CDK11B: variants seen among roughly 807,000 people sequenced by gnomAD.
The protein encoded by CDK11B is cyclin dependent kinase 11B.
CDK11B carries 37 observed loss-of-function variants against 84.0 expected under a neutral mutation model. That is an observed-to-expected ratio of 0.44 (90% CI 0.34 to 0.58). CDK11B has a LOEUF of 0.58. Ranked by LOEUF, CDK11B falls within the 20% of genes least tolerant of loss-of-function variation. The pLI is 0.02. For missense variants in CDK11B, 427 were observed against 834.0 expected (o/e 0.51, Z 6.01); for synonymous variants, 269 against 309.8 (o/e 0.87, Z 1.38).
chr1:1,658,664 C>A (rs1027367211), intron 1 of CDK11B, among the ~76,000 whole-genome samples: 2 of 148,718 alleles, frequency 1.3e-5, no homozygotes, highest in African/African-American at 5.0e-5. Context: ...GACCCGGGCA[C>A]TGGGCTATTT....
At chr1:1,649,698 G>C in intron 4 of CDK11B, 61 bp from the exon 5 acceptor site, 1 of 1,551,538 alleles carries the variant, frequency 6.4e-7, no homozygotes, top group Non-Finnish European at 8.8e-7. Flanking sequence ...CATGAAGCCG[G>C]GCACGGAGGC....
chr1:1,654,903 C>T lies in CDK11B; in HGVS notation c.227+466G>A, dbSNP rs1039514876. On this transcript the variant is annotated intron_variant, in intron 3 of 19. Transcript: ENST00000341832. ...TTGATCTTCTGACCTTGTGATCCGCCCACCTCGGCCTCCCAAAGTGCTGGG... is the reference window on the plus strand; with the variant it reads ...TTGATCTTCTGACCTTGTGATCCGCTCACCTCGGCCTCCCAAAGTGCTGGG... Among the ~76,000 whole-genome samples, 3 of 151,714 alleles carry T rather than the reference C, an allele frequency of 2.0e-5. No individual in the cohort carries two copies. The East Asian group carries it at 5.8e-4, about 29-fold the overall frequency.
At position 1,650,268 on chromosome 1, in the gene CDK11B, C is replaced by CAAAAAAAAAAAAAAA. The variant is rs1212256890; in HGVS notation, c.356-646_356-632dup. Among the ~76,000 whole-genome samples, 402 of 45,638 alleles carry CAAAAAAAAAAAAAAA rather than the reference C, an allele frequency of 8.8e-3. 32 individuals carry two copies. Among genetic ancestry groups the CAAAAAAAAAAAAAAA allele is most frequent in the African/African-American group, 0.034 (380 of 11,120 alleles). The allele number at this position is 45,638 out of a possible 152,430, so 29.9% of individuals were successfully genotyped here. On this transcript the variant is annotated intron_variant, in intron 4 of 19. Transcript: ENST00000341832. ...CTGGGTGACAAGCAAGACTCCGTCC[C>CAAAAAAAAAAAAAAA]AAAAAAAAAAAAAAAAGAAATTAAA...
At chr1:1,640,864 T>G (rs1475444866) in intron 10 of CDK11B, among the ~76,000 whole-genome samples, 184 bp downstream of exon 10, 1 of 150,690 alleles carries the variant, frequency 6.6e-6, no homozygotes, top group Non-Finnish European at 1.5e-5. Flanking sequence ...AGGACGCCCT[T>G]GGTCAGCACT....
At chr1:1,641,457 C>T (rs1489075764) in intron 9 of CDK11B, among the ~76,000 whole-genome samples, 1 of 146,132 alleles carries the variant, frequency 6.8e-6, no homozygotes, top group Non-Finnish European at 1.5e-5. Flanking sequence ...TGCAGTGAGC[C>T]GAGATCATGC....
intron 17 of CDK11B, 22 bp downstream of exon 17, chr1:1,636,660 C>G: frequency 1.2e-6 from 2 of 1,613,700 alleles, no homozygotes; most frequent in Non-Finnish European, 1.7e-6. Flanking sequence ...CCACAGCGCA[C>G]CTGCAGCAGG....
intron 5 of CDK11B, chr1:1,646,993 C>T (rs2100861552): frequency 1.9e-6 from 1 of 518,348 alleles, no homozygotes; most frequent in East Asian, 5.5e-5. Context: ...GTTCAAACTT[C>T]CTGTGCTCTT....
chr1:1,648,524 T>G (rs1203608135), intron 5 of CDK11B, among the ~76,000 whole-genome samples: 1 of 138,578 alleles, frequency 7.2e-6, no homozygotes, highest in Non-Finnish European at 1.5e-5. Context: ...TCGCTGCCCT[T>G]CCGCTTCAGA....
chr1:1,649,351 TCGGCCTCCCAAAGTGCTGG>T (rs2100906655), intron 5 of CDK11B, 129 bp downstream of exon 5: 1 of 594,620 alleles, frequency 1.7e-6, no homozygotes, highest in African/African-American at 1.9e-5. Context: ...TCCGCCCACC[TCGGCCTCCCAAAGTGCTGG>T]GATTACAGGC....
At position 1,636,718 on chromosome 1, in the gene CDK11B, C is replaced by T. The variant is rs760782961; in HGVS notation, c.1881G>A (p.Gly627=). The T allele has an allele frequency of 6.2e-7, 1 of 1,614,010 alleles. No homozygotes were observed. The highest frequency in any genetic ancestry group is 8.5e-7 in the Non-Finnish European group (1 of 1,179,872). Residue 627 remains glycine (G), a synonymous_variant, in exon 17 of 20, where the codon GGG becomes GGA. Coordinates refer to ENST00000341832, the MANE Select transcript of CDK11B (RefSeq NM_033486.3). ...ELLTQKPLFP[G]KSEIDQINKV... ...TGTTGATCTGATCGATTTCTGACTT[C>T]CCGGGGAACAGAGGCTTCTGAGTCA...
chr1:1,647,678 G>C (rs1570154135), intron 5 of CDK11B, among the ~76,000 whole-genome samples: 1 of 152,380 alleles, frequency 6.6e-6, no homozygotes, highest in East Asian at 1.9e-4. Flanking sequence ...CTGGTCACAA[G>C]TGGGTGGCGG....
At chr1:1,650,207 T>G (rs1641774595) in intron 4 of CDK11B, among the ~76,000 whole-genome samples, 1 of 137,290 alleles carries the variant, frequency 7.3e-6, no homozygotes, top group Non-Finnish European at 1.5e-5. Flanking sequence ...GAGATGGAAT[T>G]TGCAGTGAGC....
At chr1:1,649,842 G>A (rs1641659417) in intron 4 of CDK11B, among the ~76,000 whole-genome samples, 1 of 151,586 alleles carries the variant, frequency 6.6e-6, no homozygotes, top group Admixed American at 6.6e-5. Context: ...GGGCGTGGTG[G>A]CAGGCACCTG....
intron 4 of CDK11B, among the ~76,000 whole-genome samples, chr1:1,650,449 T>C (rs1253922333): frequency 1.4e-5 from 2 of 145,584 alleles, no homozygotes; most frequent in Non-Finnish European, 3.0e-5. Context: ...CACTGCAAGC[T>C]CCGCCTCCCG....
chr1:1,651,749 C>T (rs1263402736), intron 4 of CDK11B, among the ~76,000 whole-genome samples: 1 of 151,096 alleles, frequency 6.6e-6, no homozygotes, highest in Non-Finnish European at 1.5e-5. Context: ...AGAGTATTCT[C>T]TCTATAGCCC....
Position 1,640,359 on chromosome 1 carries a change from T to C in CDK11B, c.1169A>G (p.Glu390Gly). ...AGGGGAGTCGGGCACATAGTCGCCC[T>C]CTGTCAGGGCGCTGCTCTGCGGCGT... The part of the protein sequence containing the change: ...EGTPQSSALT[E>G]GDYVPDSPAL... The change falls in exon 11 of 20, where the codon GAG becomes GGG. Residue 390 changes from glutamate (E) to glycine (G), a missense_variant. By Grantham distance (98) the Glu-to-Gly change is moderately conservative. This residue lies in a region of CDK11B where 43 missense variants were observed against 61.8 expected (regional missense o/e 0.70). Transcript: ENST00000341832. 6.2e-7 allele frequency: 1 copy of C among 1,613,710 alleles called. No individual in the cohort carries two copies. Among genetic ancestry groups the C allele is most frequent in the Non-Finnish European group, 8.5e-7 (1 of 1,179,668 alleles).
At chr1:1,645,059 AGTG>A (rs1480914949) in intron 6 of CDK11B, 64 bp downstream of exon 6, 2 of 715,212 alleles carry the variant, frequency 2.8e-6, no homozygotes, top group Non-Finnish European at 4.5e-6. Context: ...TGTGACAGCA[AGTG>A]CCCAGCACCA....
At chr1:1,652,692 T>TA (rs1642163519) in intron 3 of CDK11B, 126 bp from the exon 4 acceptor site, 4 of 683,598 alleles carry the variant, frequency 5.9e-6, no homozygotes, top group Non-Finnish European at 6.7e-6. Context: ...AAACATCATT[T>TA]AAAAAATTAC....
At chr1:1,648,515 C>G (rs868266810) in intron 5 of CDK11B, among the ~76,000 whole-genome samples, 1 of 140,400 alleles carries the variant, frequency 7.1e-6, no homozygotes, top group Non-Finnish European at 1.5e-5. Context: ...TGGCAAACAT[C>G]GCTGCCCTTC....
Sources: gnomAD v4.1 joint callset for allele counts (sites outside exome capture counted in the v4.1 genomes callset) on GRCh38, gnomAD v4.1.1 for gene constraint, gnomAD v4.1.1 regional missense constraint, MANE v1.5 for transcripts, NCBI Gene and HGNC (gene_info 2026-07-23, HGNC 2026-07-21) for gene names.